Variants in CCDC175 observed in about 807,000 individuals in gnomAD.
CCDC175 encodes the protein coiled-coil domain-containing protein 175.
Under a neutral mutation model 114.6 loss-of-function variants are expected in CCDC175, and 100 were observed. That is an observed-to-expected ratio of 0.87 (90% CI 0.74 to 1.03). The LOEUF (loss-of-function observed/expected upper bound fraction) is 1.03. Ranked by LOEUF, CCDC175 falls within the 50% of genes least tolerant of loss-of-function variation. CCDC175 has a pLI of 0.00. For synonymous variants in CCDC175, 306 were observed against 308.7 expected, an observed-to-expected ratio of 0.99 and a Z score of 0.09; for missense variants, 880 against 917.8, an observed-to-expected ratio of 0.96 and a Z score of 0.53.
At chr14:59,551,994 C>A (rs1184187674) in intron 7 of CCDC175, among the ~76,000 whole-genome samples, 2 of 152,246 alleles carry the variant, frequency 1.3e-5, no homozygotes, top group African/African-American at 2.4e-5. Flanking sequence ...GTGGAGCCCA[C>A]CACAGCTCAA....
intron 14 of CCDC175, among the ~76,000 whole-genome samples, chr14:59,527,926 T>G (rs1893845071): frequency 6.6e-6 from 1 of 152,118 alleles, no homozygotes; most frequent in Non-Finnish European, 1.5e-5. Flanking sequence ...AAAGGTTTTA[T>G]TCAACCAGAA....
chr14:59,532,807 A>G (rs1225684098), intron 13 of CCDC175, among the ~76,000 whole-genome samples: 2 of 152,144 alleles, frequency 1.3e-5, no homozygotes, highest in East Asian at 3.9e-4. Context: ...CCCCTTCCCT[A>G]TGGCCTGGAC....
intron 4 of CCDC175, among the ~76,000 whole-genome samples, chr14:59,566,275 TAAC>T (rs2140118022): frequency 6.6e-6 from 1 of 152,340 alleles, no homozygotes; most frequent in African/African-American, 2.4e-5. Context: ...ACCCAGAGGC[TAAC>T]AACAAAAGGT....
At chr14:59,572,632 A>T in intron 3 of CCDC175, 70 bp downstream of exon 3, 2 of 812,166 alleles carry the variant, frequency 2.5e-6, no homozygotes, top group Non-Finnish European at 3.7e-6. Flanking sequence ...TATGAAACTT[A>T]TCTTGTTGAA....
chr14:59,506,434 C>A (rs1892398479), intron 19 of CCDC175, among the ~76,000 whole-genome samples: 1 of 151,806 alleles, frequency 6.6e-6, no homozygotes, highest in Non-Finnish European at 1.5e-5. Context: ...ATTATAGGTG[C>A]CCGCCATGAC....
chr14:59,509,852 A>G (rs1471511661), intron 19 of CCDC175, among the ~76,000 whole-genome samples: 1 of 152,288 alleles, frequency 6.6e-6, no homozygotes, highest in South Asian at 2.1e-4. Context: ...TCCTACCTTC[A>G]AAATTGCTTA....
At chr14:59,554,497 C>G (rs540985299) in intron 7 of CCDC175, among the ~76,000 whole-genome samples, 1 of 152,064 alleles carries the variant, frequency 6.6e-6, no homozygotes, top group African/African-American at 2.4e-5. Context: ...GCACTAAATG[C>G]CCACAAGAGA....
chr14:59,557,823 C>T (rs77600647), intron 7 of CCDC175, among the ~76,000 whole-genome samples: 1,535 of 152,090 alleles, frequency 0.01, 7 homozygotes, highest in Non-Finnish European at 0.018. Flanking sequence ...TGAACACATA[C>T]GCTGCCAGAT....
chr14:59,569,816 A>G (rs1328884439), intron 3 of CCDC175, among the ~76,000 whole-genome samples: 1 of 152,228 alleles, frequency 6.6e-6, no homozygotes, highest in Non-Finnish European at 1.5e-5. Flanking sequence ...ACAGAGGATT[A>G]GAGTAATTAG....
chr14:59,525,216 A>G (rs1893673859), intron 16 of CCDC175, 66 bp downstream of exon 16: 4 of 1,171,974 alleles, frequency 3.4e-6, no homozygotes, highest in Non-Finnish European at 4.5e-6. Context: ...CTTTTCTCTT[A>G]TAACTATTAC....
chr14:59,556,912 T>G (rs1895934055), intron 7 of CCDC175, among the ~76,000 whole-genome samples: 1 of 151,968 alleles, frequency 6.6e-6, no homozygotes, highest in Non-Finnish European at 1.5e-5. Context: ...AAAACCACAA[T>G]GAGATACCAT....
intron 4 of CCDC175, among the ~76,000 whole-genome samples, chr14:59,567,919 CTA>C (rs1370278887): frequency 2.0e-5 from 3 of 152,174 alleles, no homozygotes; most frequent in Non-Finnish European, 4.4e-5. Flanking sequence ...AAAATGGAAA[CTA>C]AACCCATTGT....
At chr14:59,563,934 A>C in intron 5 of CCDC175, 75 bp from the exon 6 acceptor site, 5 of 940,102 alleles carry the variant, frequency 5.3e-6, no homozygotes, top group Non-Finnish European at 5.7e-6. Context: ...TTTTAAAAAC[A>C]GTGTCAACCT....
rs1257340812 is a variant in CCDC175 at position 59,511,756 on chromosome 14, TC to T, written c.2142+3del. 14 of 1,535,972 alleles carry T rather than the reference TC, an allele frequency of 9.1e-6. No individual in the cohort carries two copies. Among genetic ancestry groups the T allele is most frequent in the Non-Finnish European group, 1.2e-5 (14 of 1,145,886 alleles). On this transcript the variant is annotated splice_donor_region_variant and intron_variant, in intron 18 of 19. Coordinates refer to ENST00000537690, the MANE Select transcript of CCDC175 (RefSeq NM_001164399.2). ...TGGAGGCAACAGACACACGCAAAAC[TC>T]ACCTTAACTGTGGTCTGAAATTCAG... is the stretch of plus-strand genomic sequence containing the variant.
At chr14:59,543,810 T>A (rs1193815322) in intron 9 of CCDC175, among the ~76,000 whole-genome samples, 2 of 152,138 alleles carry the variant, frequency 1.3e-5, no homozygotes, top group Non-Finnish European at 1.5e-5. Context: ...AGGATTTTCA[T>A]AAAATTTATG....
Position 59,576,614 on chromosome 14 carries a change from C to CT in CCDC175, c.157+4dup. 1 of 1,449,834 alleles carries CT rather than the reference C, an allele frequency of 6.9e-7. No homozygotes were observed. The highest frequency in any genetic ancestry group is 1.5e-5 in the African/African-American group (1 of 67,668). 89.8% of individuals were successfully genotyped at this position (1,449,834 alleles called of 1,614,324 possible). On this transcript the variant is annotated splice_donor_region_variant and intron_variant, in intron 1 of 19. Transcript: ENST00000537690. The stretch of plus-strand genomic sequence containing the variant: ...GTCCCTTCCAGCGCCCGAGGGGCGT[C>CT]TTACCCACAACAAACAGCTGCTCCA...
At chr14:59,552,856 A>G (rs1023815669) in intron 7 of CCDC175, among the ~76,000 whole-genome samples, 8 of 128,998 alleles carry the variant, frequency 6.2e-5, no homozygotes, top group Non-Finnish European at 1.0e-4. Context: ...AACTGGAAGA[A>G]AGGGTATCAG....
intron 11 of CCDC175, among the ~76,000 whole-genome samples, chr14:59,539,879 A>G (rs939432701): frequency 2.6e-5 from 4 of 152,042 alleles, no homozygotes; most frequent in African/African-American, 9.7e-5. Context: ...CAGCCTGGGC[A>G]ATGGAGTGAG....
At chr14:59,552,334 C>T (rs961908151) in intron 7 of CCDC175, among the ~76,000 whole-genome samples, 25 of 152,234 alleles carry the variant, frequency 1.6e-4, no homozygotes, top group Admixed American at 3.9e-4. Context: ...CTGCAGCCTC[C>T]GCTGCTGACA....
Sources: gnomAD v4.1 joint callset for allele counts (sites outside exome capture counted in the v4.1 genomes callset) on GRCh38, gnomAD v4.1.1 for gene constraint, MANE v1.5 for transcripts, NCBI Gene and HGNC (gene_info 2026-07-23, HGNC 2026-07-21) for gene names.